CCDC171: variants seen among roughly 807,000 people sequenced by gnomAD.
The protein encoded by CCDC171 is coiled-coil domain containing 171.
In CCDC171, 177 loss-of-function variants were observed where a neutral mutation model predicts 168.2. The ratio of observed to expected loss-of-function variants is 1.05; its 90% CI spans 0.93 to 1.19. The LOEUF is 1.19. Among genes scored for constraint, CCDC171 ranks in the 50% most tolerant of loss-of-function variants. The probability of loss-of-function intolerance (pLI) is 0.00; values close to 1 mark genes in which losing one functional copy is unlikely to be tolerated. For missense variants in CCDC171, 1,991 were observed against 1,539.0 expected (o/e 1.29, Z -4.91); for synonymous variants, 687 against 540.8 (o/e 1.27, Z -3.75).
intron 24 of CCDC171, among the ~76,000 whole-genome samples, chr9:15,892,411 A>G (rs1476167743): frequency 6.6e-6 from 1 of 152,106 alleles, no homozygotes; most frequent in African/African-American, 2.4e-5. Flanking sequence ...TTTAACATGC[A>G]GGGATGTTGA....
rs551185157 is a variant in CCDC171, at chr9:15,703,234, T to G, written c.1318+7897T>G. Among the ~76,000 whole-genome samples, 4 of 152,294 alleles carry G rather than the reference T, an allele frequency of 2.6e-5. No individual in the cohort carries two copies. The South Asian group carries it at 8.3e-4, about 32-fold the overall frequency. On this transcript the variant is annotated intron_variant, in intron 11 of 25. Transcript: ENST00000380701. Reference sequence around the variant, plus strand: ...CCTTGTTTTTAATTAGGCTTTGGCTTAAGAGAATGTTGTGGCTGGTTTGAT... The same window carrying G: ...CCTTGTTTTTAATTAGGCTTTGGCTGAAGAGAATGTTGTGGCTGGTTTGAT...
chr9:15,657,003 G>GAA, intron 7 of CCDC171, 124 bp from the exon 8 acceptor site: 52 of 399,356 alleles, frequency 1.3e-4, no homozygotes, highest in South Asian at 2.0e-4. Flanking sequence ...TTCTTGCAAA[G>GAA]AAAAAAAAAA....
chr9:15,665,772 C>T (rs1305131186), intron 8 of CCDC171, among the ~76,000 whole-genome samples: 1 of 152,036 alleles, frequency 6.6e-6, no homozygotes, highest in African/African-American at 2.4e-5. Context: ...CAAAGTGAGA[C>T]CTTGTCTCTT....
chr9:15,881,160 T>C (rs1038523416), intron 24 of CCDC171, among the ~76,000 whole-genome samples: 5 of 152,174 alleles, frequency 3.3e-5, no homozygotes, highest in Non-Finnish European at 7.3e-5. Context: ...TACTTGGTAC[T>C]TGAAATTTTA....
chr9:15,593,130 G>A (rs986747983), intron 5 of CCDC171, among the ~76,000 whole-genome samples: 1 of 151,674 alleles, frequency 6.6e-6, no homozygotes, highest in Non-Finnish European at 1.5e-5. Context: ...TTTAGCCCTT[G>A]GGGGAAAAAA....
intron 7 of CCDC171, among the ~76,000 whole-genome samples, chr9:15,637,646 A>T (rs1203493198): frequency 8.8e-6 from 1 of 113,082 alleles, no homozygotes; most frequent in Non-Finnish European, 1.7e-5. Context: ...CAGTCCCCAG[A>T]GTGTGATGTT....
At chr9:15,829,360 G>C (rs2060139077) in intron 21 of CCDC171, among the ~76,000 whole-genome samples, 1 of 152,172 alleles carries the variant, frequency 6.6e-6, no homozygotes, top group Non-Finnish European at 1.5e-5. Context: ...TGATGGCCAA[G>C]TGAAATTTAC....
Position 16,035,780 on chromosome 9 carries a change from T to C in CCDC171, n.1067+255T>C, listed in dbSNP as rs561333182. 1.1e-4 allele frequency among the ~76,000 whole-genome samples: 16 copies of C among 152,346 alleles called. No individual in the cohort carries two copies. In the South Asian group the frequency reaches 2.3e-3, roughly 22 times the overall value. On this transcript the variant is annotated intron_variant and non_coding_transcript_variant, in intron 7 of 9. Coordinates refer to the CCDC171 transcript ENST00000486641. ...GGGGATTGATATTTGTTTCAACAAA[T>C]ATTTATTCAATATCCACTATGTCAG... is the stretch of plus-strand genomic sequence containing the variant.
chr9:15,869,472 C>T (rs2061935574), intron 23 of CCDC171, among the ~76,000 whole-genome samples: 1 of 147,472 alleles, frequency 6.8e-6, no homozygotes, highest in African/African-American at 2.5e-5. Flanking sequence ...TAACGGTGTT[C>T]TTATCTGATC....
intron 23 of CCDC171, among the ~76,000 whole-genome samples, chr9:15,854,670 G>C (rs547223544): frequency 6.6e-6 from 1 of 151,662 alleles, no homozygotes; most frequent in East Asian, 1.9e-4. Context: ...ACTGCTCCAA[G>C]CTGGAAGGTT....
the CCDC171 span, among the ~76,000 whole-genome samples, chr9:16,108,281 A>G: frequency 6.6e-6 from 1 of 152,166 alleles, no homozygotes; most frequent in African/African-American, 2.4e-5. Flanking sequence ...GTTCTTTGGG[A>G]GGCAGCAATG....
chr9:15,719,096 A>G (rs1362489906), intron 11 of CCDC171, among the ~76,000 whole-genome samples: 1 of 152,080 alleles, frequency 6.6e-6, no homozygotes, highest in African/African-American at 2.4e-5. Context: ...TAACACAGAG[A>G]AGTAATTCAA....
At chr9:15,810,963 A>G (rs2059328923) in intron 21 of CCDC171, among the ~76,000 whole-genome samples, 1 of 152,244 alleles carries the variant, frequency 6.6e-6, no homozygotes, top group Non-Finnish European at 1.5e-5. Flanking sequence ...TCTCAACACT[A>G]GCCACATGGC....
chr9:15,704,285 G>A (rs1011110938), intron 11 of CCDC171, among the ~76,000 whole-genome samples: 3 of 152,164 alleles, frequency 2.0e-5, no homozygotes, highest in Non-Finnish European at 2.9e-5. Context: ...CTACTCCCGA[G>A]GCTGAAGGAA....
At chr9:16,033,689 C>A (rs1833408224) in intron 6 of CCDC171, among the ~76,000 whole-genome samples, 1 of 152,024 alleles carries the variant, frequency 6.6e-6, no homozygotes, top group African/African-American at 2.4e-5. Context: ...TCCCCCTACC[C>A]CCCACCCCCT....
rs545216310 is a variant in CCDC171 at position 15,999,518 on chromosome 9, C to A, written n.369-21071C>A. Among the ~76,000 whole-genome samples the A allele has an allele frequency of 5.9e-5, 9 of 152,256 alleles. No homozygotes were observed. The East Asian group carries it at 1.7e-3, about 30-fold the overall frequency. On this transcript the variant is annotated intron_variant and non_coding_transcript_variant, in intron 3 of 9. Coordinates refer to the CCDC171 transcript ENST00000486641. ...TTGAAGCACCCGCACGCAGCTCGGA[C>A]CTCTCTATCCATCGAAGCAGTCCTT...
intron 4 of CCDC171, among the ~76,000 whole-genome samples, chr9:15,583,382 A>C (rs2041289540): frequency 2.7e-5 from 4 of 146,584 alleles, no homozygotes; most frequent in African/African-American, 1.0e-4. Flanking sequence ...ACTGCAGTCC[A>C]GTCTGGTGAC....
intron 12 of CCDC171, 34 bp from the exon 13 acceptor site, chr9:15,723,647 C>A: frequency 6.5e-7 from 1 of 1,529,820 alleles, no homozygotes; most frequent in Admixed American, 1.9e-5. Context: ...CTTATATTTT[C>A]TTTCATCAGC....
intron 21 of CCDC171, among the ~76,000 whole-genome samples, chr9:15,824,543 C>T (rs7865141): frequency 6.6e-6 from 1 of 151,936 alleles, no homozygotes; most frequent in African/African-American, 2.4e-5. Flanking sequence ...ACATGATCTC[C>T]TGGTCTGAAT....
Sources: allele counts gnomAD v4.1 joint callset (sites outside exome capture counted in the v4.1 genomes callset), GRCh38; gene constraint gnomAD v4.1.1; transcripts MANE v1.5; gene names NCBI Gene and HGNC (gene_info 2026-07-23, HGNC 2026-07-21).